The following NOCT variants were observed in gnomAD, a reference collection of about 807,000 sequenced individuals.
NOCT encodes nocturnin, also known as CCR4 carbon catabolite repression 4-like.
Under a neutral mutation model 35.0 loss-of-function variants are expected in NOCT, and 18 were observed. The observed-to-expected ratio is 0.51, with a 90% CI of 0.36 to 0.76. The LOEUF is 0.76. NOCT is among the 30% of genes least tolerant of loss of function. NOCT has a pLI of 0.01. For missense variants in NOCT, 479 were observed against 541.0 expected, an observed-to-expected ratio of 0.89 and a Z score of 1.14; for synonymous variants, 235 against 226.3, an observed-to-expected ratio of 1.04 and a Z score of -0.34.
Position 139,045,450 on chromosome 4 carries a change from T to C in NOCT, c.1272T>C (p.Thr424=), listed in dbSNP as rs909357641. Residue 424 remains threonine (T), a synonymous_variant, in exon 3 of 3, where the codon ACT becomes ACC. Coordinates refer to ENST00000280614, the MANE Select transcript of NOCT (RefSeq NM_012118.4). ...HLSLVCDFSF[T]EESDGLS is the part of the protein sequence containing the mutation. ...CTCTAGTGTGTGACTTCAGCTTTAC[T>C]GAGGAATCTGATGGACTTTCATAAA... The C allele has an allele frequency of 2.5e-6, 4 of 1,593,664 alleles. No homozygotes were observed. The African/African-American group carries it at 4.0e-5, about 16-fold the overall frequency.
intron 1 of NOCT, among the ~76,000 whole-genome samples, chr4:139,036,175 C>T (rs548344488): frequency 1.3e-5 from 2 of 152,310 alleles, no homozygotes; most frequent in South Asian, 4.1e-4. Flanking sequence ...AGGGCAGATA[C>T]TCATCTGTTT....
intron 1 of NOCT, among the ~76,000 whole-genome samples, chr4:139,027,801 T>G (rs933812201): frequency 6.6e-6 from 1 of 152,194 alleles, no homozygotes; most frequent in Non-Finnish European, 1.5e-5. Flanking sequence ...CCTGGCCTAT[T>G]TATGAACATT....
chr4:139,015,934 C>T lies in NOCT; in HGVS notation c.-48C>T. ...CTCGGTGCCCTCGGCCCCAGCCGGG[C>T]TCCGCTCCTCGGGCGCGCGAGGGGC... On this transcript the variant is annotated 5_prime_UTR_variant, in exon 1 of 3. Transcript: ENST00000280614. 1 of 1,292,608 alleles carries T rather than the reference C, an allele frequency of 7.7e-7. No homozygotes were observed. Among genetic ancestry groups the T allele is most frequent in the Middle Eastern group, 3.0e-4 (1 of 3,340 alleles). The allele number at this position is 1,292,608 out of a possible 1,614,324, so 80.1% of individuals were successfully genotyped here.
At position 139,016,031 on chromosome 4, in the gene NOCT, C is replaced by T; in HGVS notation, c.50C>T (p.Ala17Val). The change falls in exon 1 of 3, where the codon GCG becomes GTG. Residue 17 changes from alanine (A) to valine (V), a missense_variant. Ala to Val is a moderately conservative substitution (Grantham distance 64, BLOSUM62 0). This residue lies in a region of NOCT where 265 missense variants were observed against 257.0 expected (regional missense o/e 1.03). Coordinates refer to ENST00000280614, the MANE Select transcript of NOCT (RefSeq NM_012118.4). ...RLCSALLQRD[A>V]PGLRRLPAPG... ...TGCTCGGCCCTGCTGCAGAGGGACG[C>T]GCCCGGCCTGCGCCGCCTGCCCGCC... The T allele has an allele frequency of 7.2e-7, 1 of 1,393,672 alleles. No individual in the cohort carries two copies. 86.3% of individuals were successfully genotyped at this position (1,393,672 alleles called of 1,614,324 possible). A position where few individuals can be genotyped will look rare whatever the true frequency, so the allele number is the denominator to read the frequency against.
At chr4:139,043,018 G>A in intron 1 of NOCT, 56 bp from the exon 2 acceptor site, 1 of 1,502,916 alleles carries the variant, frequency 6.7e-7, no homozygotes, top group Non-Finnish European at 9.0e-7. Context: ...CAGTTGTGCT[G>A]GGCGAGAAGT....
At chr4:139,027,608 T>A (rs1726547409) in intron 1 of NOCT, among the ~76,000 whole-genome samples, 2 of 152,030 alleles carry the variant, frequency 1.3e-5, no homozygotes, top group South Asian at 4.1e-4. Context: ...CACTCCATTC[T>A]CCTGCCTCAG....
chr4:139,045,029 T>C lies in NOCT; in HGVS notation c.851T>C (p.Val284Ala). ...KESGRQFCIA[V>A]THLKARTGWE... Reference sequence around the variant, plus strand: ...TCAGGCCGACAGTTCTGCATCGCTGTTACCCATCTAAAAGCACGCACTGGC... The same window carrying C: ...TCAGGCCGACAGTTCTGCATCGCTGCTACCCATCTAAAAGCACGCACTGGC... Residue 284 changes from valine to alanine, a missense_variant, in exon 3 of 3, where the codon GTT (valine) becomes GCT (alanine). This residue lies in a region of NOCT where 214 missense variants were observed against 284.0 expected (regional missense o/e 0.75). Coordinates refer to ENST00000280614, the MANE Select transcript of NOCT (RefSeq NM_012118.4). 1 of 1,614,238 alleles carries C rather than the reference T, an allele frequency of 6.2e-7. No individual in the cohort carries two copies. Among genetic ancestry groups the C allele is most frequent in the Non-Finnish European group, 8.5e-7 (1 of 1,180,048 alleles).
chr4:139,041,525 A>G (rs1726832654), intron 1 of NOCT, among the ~76,000 whole-genome samples: 1 of 152,232 alleles, frequency 6.6e-6, no homozygotes, highest in Non-Finnish European at 1.5e-5. Flanking sequence ...GTTGACCTCT[A>G]AAAGAGCAAT....
intron 1 of NOCT, among the ~76,000 whole-genome samples, chr4:139,020,417 G>A (rs1726387285): frequency 6.6e-6 from 1 of 152,100 alleles, no homozygotes; most frequent in African/African-American, 2.4e-5. Context: ...AAAAAGGAGG[G>A]TGTTTTGGAA....
At chr4:139,039,170 C>CAAAAAAAAAAAAAAAAAAAAAAAAAA (rs59445691) in intron 1 of NOCT, among the ~76,000 whole-genome samples, 4 of 91,364 alleles carry the variant, frequency 4.4e-5, no homozygotes, top group East Asian at 4.0e-4. Context: ...GACTCCATTT[C>CAAAAAAAAAAAAAAAAAAAAAAAAAA]AAAAAAAAAA....
Position 139,039,362 on chromosome 4 carries a change from A to G in NOCT, c.191-3712A>G, listed in dbSNP as rs551820815. On this transcript the variant is annotated intron_variant, in intron 1 of 2. Transcript: ENST00000280614. ...AAAACATTGCAGTTGAAGTCTGATG[A>G]CAATCTGATTTTTTTTTTTACTAGA... 1.7e-4 allele frequency among the ~76,000 whole-genome samples: 4 copies of G among 23,780 alleles called. No individual in the cohort carries two copies. In the South Asian group the frequency reaches 0.012, roughly 72 times the overall value. The allele number at this position is 23,780 out of a possible 152,430, so 15.6% of individuals were successfully genotyped here. A position where few individuals can be genotyped will look rare whatever the true frequency, so the allele number is the denominator to read the frequency against.
In NOCT at chr4:139,016,169, C is replaced by CA; in HGVS notation, c.189dup (p.Val64SerfsTer13). 1 of 1,251,966 alleles carries CA rather than the reference C, an allele frequency of 8.0e-7. No homozygotes were observed. The highest frequency in any genetic ancestry group is 1.0e-6 in the Non-Finnish European group (1 of 999,760). The allele number at this position is 1,251,966 out of a possible 1,614,324, so 77.6% of individuals were successfully genotyped here. A position where few individuals can be genotyped will look rare whatever the true frequency, so the allele number is the denominator to read the frequency against. On this transcript the variant is annotated frameshift_variant and splice_region_variant, in exon 1 of 3. Transcript: ENST00000280614. LOFTEE classifies it high-confidence loss of function. ...GGCGCCGCGAGGTCGTGTTCCCGAA[C>CA]AGGTGAGTGCACCCCAGTTCCGGGC... is the stretch of plus-strand genomic sequence containing the variant.
intron 1 of NOCT, among the ~76,000 whole-genome samples, chr4:139,032,077 T>A (rs535619086): frequency 6.6e-6 from 1 of 152,350 alleles, no homozygotes; most frequent in South Asian, 2.1e-4. Context: ...CTTGCTACTG[T>A]GTTTCAGAAA....
At chr4:139,038,857 T>G (rs72947672) in intron 1 of NOCT, among the ~76,000 whole-genome samples, 4,874 of 152,258 alleles carry the variant, frequency 0.032, 265 homozygotes, top group African/African-American at 0.11. Context: ...AGTGCTTTGC[T>G]CCAGTTCTTA....
chr4:139,028,365 T>G (rs1726561478), intron 1 of NOCT: 1 of 152,320 alleles, frequency 6.6e-6, no homozygotes. Context: ...AAAGAGAGGT[T>G]GTTTGGATTG....
chr4:139,035,330 C>A (rs1405241447), intron 1 of NOCT, among the ~76,000 whole-genome samples: 1 of 152,032 alleles, frequency 6.6e-6, no homozygotes, highest in East Asian at 1.9e-4. Context: ...GAGATAGGGG[C>A]TCCCAGTGTT....
chr4:139,031,820 C>T (rs1726629604), intron 1 of NOCT, among the ~76,000 whole-genome samples: 1 of 152,038 alleles, frequency 6.6e-6, no homozygotes, highest in African/African-American at 2.4e-5. Context: ...TCAAGAGATT[C>T]TCCTGCCTCA....
chr4:139,024,894 G>T (rs925790075), intron 1 of NOCT, among the ~76,000 whole-genome samples: 2 of 152,200 alleles, frequency 1.3e-5, no homozygotes, highest in African/African-American at 4.8e-5. Flanking sequence ...GTGAGCCACC[G>T]CGCCCAGCCA....
rs546346607 is a variant in NOCT, at chr4:139,045,509, A to ATTTTTTTTTT, written c.*51_*60dup. On this transcript the variant is annotated 3_prime_UTR_variant, in exon 3 of 3. Transcript: ENST00000280614. Reference sequence around the variant, plus strand: ...TTTGTCTTTTTAATCACAGGAGTCTATTTTTTTTTTTTTTTTTTTTTTTTT... The same window carrying ATTTTTTTTTT: ...TTTGTCTTTTTAATCACAGGAGTCTATTTTTTTTTTTTTTTTTTTTTTTTTTTTTTTTTTT... The ATTTTTTTTTT allele has an allele frequency of 1.0e-4, 39 of 379,714 alleles. 5 individuals carry two copies. The highest frequency in any genetic ancestry group is 2.7e-4 in the Admixed American group (4 of 14,698). 23.5% of individuals were successfully genotyped at this position (379,714 alleles called of 1,614,324 possible). A position where few individuals can be genotyped will look rare whatever the true frequency, so the allele number is the denominator to read the frequency against.
Sources: gnomAD v4.1 joint callset for allele counts (sites outside exome capture counted in the v4.1 genomes callset) on GRCh38, gnomAD v4.1.1 for gene constraint, gnomAD v4.1.1 regional missense constraint, MANE v1.5 for transcripts, NCBI Gene and HGNC (gene_info 2026-07-23, HGNC 2026-07-21) for gene names.